NRG1: variants seen among roughly 807,000 people sequenced by gnomAD.
The protein encoded by NRG1 is pro-neuregulin-1, membrane-bound isoform.
A neutral mutation model predicts 63.8 loss-of-function variants in NRG1; 18 were observed. The ratio of observed to expected loss-of-function variants is 0.28; its 90% CI spans 0.19 to 0.42. The LOEUF is 0.42. Ranked by LOEUF, NRG1 falls within the 10% of genes least tolerant of loss-of-function variation. The pLI is 1.00. For missense variants in NRG1, 762 were observed against 814.7 expected, an observed-to-expected ratio of 0.94 and a Z score of 0.79; for synonymous variants, 302 against 301.3, an observed-to-expected ratio of 1.00 and a Z score of -0.02.
At chr8:32,580,041 A>G (rs1166556994) in intron 1 of NRG1, among the ~76,000 whole-genome samples, 1 of 152,164 alleles carries the variant, frequency 6.6e-6, no homozygotes, top group Non-Finnish European at 1.5e-5. Flanking sequence ...GTGAACCTGG[A>G]TAATATAGTC....
At chr8:32,634,312 ACT>A (rs1850914754) in intron 5 of NRG1, among the ~76,000 whole-genome samples, 1 of 151,994 alleles carries the variant, frequency 6.6e-6, no homozygotes, top group African/African-American at 2.4e-5. Flanking sequence ...ACTGATTAAA[ACT>A]CTTAAAAAAA....
At chr8:32,660,867 G>T (rs1563884974) in intron 5 of NRG1, among the ~76,000 whole-genome samples, 1 of 152,168 alleles carries the variant, frequency 6.6e-6, no homozygotes, top group Non-Finnish European at 1.5e-5. Flanking sequence ...CAATTAAAGT[G>T]CATTTCCTTA....
chr8:32,639,363 G>A (rs770332361), intron 5 of NRG1, among the ~76,000 whole-genome samples: 26 of 152,050 alleles, frequency 1.7e-4, no homozygotes, highest in Admixed American at 9.2e-4. Context: ...GTGAGATCGC[G>A]CCACTGCACT....
chr8:31,892,277 G>A (rs185565169), intron 1 of NRG1, among the ~76,000 whole-genome samples: 163 of 152,198 alleles, frequency 1.1e-3, no homozygotes, highest in Non-Finnish European at 1.7e-3. Flanking sequence ...AATTTCAGAA[G>A]GATCAGCATA....
chr8:31,731,417 T>TACACACACACACACACACAC (rs139927733), intron 1 of NRG1, among the ~76,000 whole-genome samples: 10 of 148,410 alleles, frequency 6.7e-5, no homozygotes, highest in African/African-American at 2.5e-4. Flanking sequence ...AATTATGTCA[T>TACACACACACACACACACAC]ACACACACAC....
intron 1 of NRG1, among the ~76,000 whole-genome samples, chr8:32,142,308 A>AT (rs1231920920): frequency 6.6e-6 from 1 of 152,176 alleles, no homozygotes; most frequent in Non-Finnish European, 1.5e-5. Flanking sequence ...CCAGTCACAG[A>AT]TTGCAGAGAT....
intron 9 of NRG1, among the ~76,000 whole-genome samples, chr8:32,758,501 G>T (rs547603306): frequency 1.4e-5 from 2 of 138,222 alleles, no homozygotes; most frequent in African/African-American, 5.3e-5. Flanking sequence ...TGCTTGAACC[G>T]GGAGGTGGAG....
chr8:32,662,458 C>T (rs1027048006), intron 5 of NRG1, among the ~76,000 whole-genome samples: 3 of 152,044 alleles, frequency 2.0e-5, no homozygotes, highest in Admixed American at 6.6e-5. Context: ...GCTTTTCCAC[C>T]GAAAGAGATG....
chr8:32,223,396 T>G (rs964404746), intron 1 of NRG1, among the ~76,000 whole-genome samples: 1 of 152,136 alleles, frequency 6.6e-6, no homozygotes, highest in Non-Finnish European at 1.5e-5. Flanking sequence ...AACCTGCATT[T>G]TTTGGTTTTA....
intron 1 of NRG1, among the ~76,000 whole-genome samples, chr8:32,176,014 T>C (rs1392650479): frequency 3.3e-5 from 5 of 152,174 alleles, no homozygotes; most frequent in Admixed American, 6.6e-5. Context: ...AAAAAGAGCC[T>C]GCATTGCCAA....
chr8:32,058,278 T>C lies in NRG1; in HGVS notation c.37+418847T>C, dbSNP rs536226814. Among the ~76,000 whole-genome samples, 16 of 152,146 alleles carry C rather than the reference T, an allele frequency of 1.1e-4. No individual in the cohort carries two copies. The South Asian group carries it at 3.3e-3, about 32-fold the overall frequency. On this transcript the variant is annotated intron_variant, in intron 1 of 10. Transcript: ENST00000519301. ...GTAAAGGGACATACATGGCTGTATA[T>C]AAAGGCTATTTATAAAGCCCTCTAT...
At chr8:32,322,969 G>T (rs770323394) in intron 1 of NRG1, among the ~76,000 whole-genome samples, 1 of 151,276 alleles carries the variant, frequency 6.6e-6, no homozygotes, top group Non-Finnish European at 1.5e-5. Flanking sequence ...GTAAACACCT[G>T]GGAACTAGAA....
intron 1 of NRG1, among the ~76,000 whole-genome samples, chr8:32,235,708 A>G (rs1847476381): frequency 6.6e-6 from 1 of 152,104 alleles, no homozygotes; most frequent in Non-Finnish European, 1.5e-5. Context: ...ATAGTTGGTC[A>G]CTCAGATTTC....
intron 1 of NRG1, among the ~76,000 whole-genome samples, chr8:31,918,853 G>A (rs915349571): frequency 4.0e-5 from 6 of 151,466 alleles, no homozygotes; most frequent in Non-Finnish European, 8.8e-5. Flanking sequence ...TGGTTGGTAA[G>A]CTATTGATTA....
intron 1 of NRG1, among the ~76,000 whole-genome samples, chr8:31,845,666 C>A (rs1826623930): frequency 6.6e-6 from 1 of 152,056 alleles, no homozygotes; most frequent in African/African-American, 2.4e-5. Flanking sequence ...CCTTTAATTG[C>A]ATTCTGACCA....
chr8:32,561,649 T>C (rs973928380), intron 1 of NRG1, among the ~76,000 whole-genome samples: 3 of 152,208 alleles, frequency 2.0e-5, no homozygotes, highest in Non-Finnish European at 4.4e-5. Flanking sequence ...TGACAGCTGC[T>C]CTGAGACCAC....
chr8:32,058,292 A>G (rs1200471469), intron 1 of NRG1, among the ~76,000 whole-genome samples: 1 of 152,088 alleles, frequency 6.6e-6, no homozygotes, highest in Non-Finnish European at 1.5e-5. Flanking sequence ...GGCTATTTAT[A>G]AAGCCCTCTA....
intron 1 of NRG1, among the ~76,000 whole-genome samples, chr8:32,006,454 G>A (rs767339548): frequency 4.6e-5 from 7 of 152,008 alleles, no homozygotes; most frequent in Non-Finnish European, 8.8e-5. Flanking sequence ...GTGATATGAC[G>A]TAGTTGACCC....
At chr8:32,188,074 T>G (rs77660010) in intron 1 of NRG1, among the ~76,000 whole-genome samples, 8,150 of 152,148 alleles carry the variant, frequency 0.054, 359 homozygotes, top group African/African-American at 0.12. Context: ...TTATAGATTT[T>G]TTTTTTTTTT....
Sources: allele counts gnomAD v4.1 joint callset (sites outside exome capture counted in the v4.1 genomes callset), GRCh38; gene constraint gnomAD v4.1.1; transcripts MANE v1.5; gene names NCBI Gene and HGNC (gene_info 2026-07-23, HGNC 2026-07-21).